The following RIMBP2 variants were observed in gnomAD, a reference collection of about 807,000 sequenced individuals.
RIMBP2 encodes RIMS-binding protein 2.
A neutral mutation model predicts 118.6 loss-of-function variants in RIMBP2; 48 were observed. The ratio of observed to expected loss-of-function variants is 0.40; its 90% confidence interval spans 0.32 to 0.51. The LOEUF (loss-of-function observed/expected upper bound fraction) is 0.51. RIMBP2 is among the 20% of genes least tolerant of loss of function. RIMBP2 has a pLI of 0.41. For synonymous variants in RIMBP2, 762 were observed against 742.9 expected, an observed-to-expected ratio of 1.03 and a Z score of -0.42; for missense variants, 1,551 against 1,768.3, an observed-to-expected ratio of 0.88 and a Z score of 2.20.
chr12:130,556,746 A>T (rs1429126780), intron 2 of RIMBP2, among the ~76,000 whole-genome samples: 1 of 152,194 alleles, frequency 6.6e-6, no homozygotes, highest in Non-Finnish European at 1.5e-5. Flanking sequence ...CCAAGCCCAA[A>T]TGGAAAGCAG....
chr12:130,489,492 C>G (rs192746584), intron 4 of RIMBP2, among the ~76,000 whole-genome samples: 2 of 152,118 alleles, frequency 1.3e-5, no homozygotes, highest in Admixed American at 1.3e-4. Flanking sequence ...CAGGCAGCAT[C>G]GGCGGGAGGG....
chr12:130,460,623 C>T (rs1047678418), intron 6 of RIMBP2, among the ~76,000 whole-genome samples: 7 of 152,098 alleles, frequency 4.6e-5, no homozygotes, highest in Non-Finnish European at 1.0e-4. Context: ...TACCTGCAAG[C>T]GTACTGGCGT....
chr12:130,413,071 A>T (rs1275778490), intron 18 of RIMBP2, among the ~76,000 whole-genome samples: 1 of 152,018 alleles, frequency 6.6e-6, no homozygotes, highest in Admixed American at 6.5e-5. Context: ...ATGTTATTTA[A>T]ATTCACGCAC....
At chr12:130,503,159 A>G (rs964676225) in intron 4 of RIMBP2, among the ~76,000 whole-genome samples, 1 of 152,076 alleles carries the variant, frequency 6.6e-6, no homozygotes, top group Non-Finnish European at 1.5e-5. Context: ...TGGGAGGCCA[A>G]GGTGAATGGA....
In RIMBP2 at chr12:130,511,672, G is replaced by T. The variant is rs78295599; in HGVS notation, c.-126-4902C>A. Among the ~76,000 whole-genome samples the T allele has an allele frequency of 6.6e-6, 1 of 152,202 alleles. No individual in the cohort carries two copies. The highest frequency in any genetic ancestry group is 1.5e-5 in the Non-Finnish European group (1 of 68,044). On this transcript the variant is annotated intron_variant, in intron 3 of 22. Coordinates refer to ENST00000690449, the MANE Select transcript of RIMBP2 (RefSeq NM_001393629.1). This position sits in a 1 kb window ranked among gnomAD's most constrained non-coding sequence, Gnocchi z 4.3. ...CTCCTGCTGGGACCAGACTGAGACCGTCTGTGACACGGTTCTGATGAGCCT... is the reference window on the plus strand; with the variant it reads ...CTCCTGCTGGGACCAGACTGAGACCTTCTGTGACACGGTTCTGATGAGCCT...
chr12:130,474,958 C>T (rs923994680), intron 5 of RIMBP2, among the ~76,000 whole-genome samples: 1 of 152,188 alleles, frequency 6.6e-6, no homozygotes, highest in East Asian at 1.9e-4. Context: ...AGTGAATGGA[C>T]GCAGGGATTT....
intron 2 of RIMBP2, among the ~76,000 whole-genome samples, chr12:130,593,093 C>T (rs2059370259): frequency 6.6e-6 from 1 of 152,214 alleles, no homozygotes; most frequent in South Asian, 2.1e-4. Flanking sequence ...CTTCCCGGGC[C>T]CATTCCCTCT....
intron 1 of RIMBP2, among the ~76,000 whole-genome samples, chr12:130,682,240 T>C (rs77615184): frequency 0.022 from 3,419 of 152,284 alleles, 121 homozygotes; most frequent in African/African-American, 0.078. Context: ...GCATCTCCTT[T>C]CCCAGCCAGA....
At chr12:130,564,520 G>A (rs1470246547) in intron 2 of RIMBP2, among the ~76,000 whole-genome samples, 1 of 152,126 alleles carries the variant, frequency 6.6e-6, no homozygotes, top group Non-Finnish European at 1.5e-5. Flanking sequence ...TAGCCATCAG[G>A]GAGATGCAAA....
At chr12:130,609,860 C>T (rs752678205) in intron 2 of RIMBP2, among the ~76,000 whole-genome samples, 6 of 152,130 alleles carry the variant, frequency 3.9e-5, no homozygotes, top group African/African-American at 1.2e-4. Context: ...GCAGGACAGA[C>T]GGAAGTCCCA....
intron 6 of RIMBP2, among the ~76,000 whole-genome samples, chr12:130,463,023 G>A (rs768945105): frequency 2.0e-4 from 30 of 152,314 alleles, no homozygotes; most frequent in Non-Finnish European, 3.2e-4. Flanking sequence ...GCTCCCTGGC[G>A]TCTTGGCAGC....
chr12:130,645,243 C>T (rs1043355749), intron 1 of RIMBP2, among the ~76,000 whole-genome samples: 2 of 152,118 alleles, frequency 1.3e-5, no homozygotes, highest in South Asian at 2.1e-4. Context: ...ACGGTGTGTC[C>T]ACCACGCCTG....
At chr12:130,605,598 T>C (rs996510344) in intron 2 of RIMBP2, among the ~76,000 whole-genome samples, 2 of 152,140 alleles carry the variant, frequency 1.3e-5, no homozygotes, top group African/African-American at 2.4e-5. Context: ...AAAGTAGTAA[T>C]AAAGTGACAA....
At chr12:130,634,762 A>G (rs1225916422) in intron 1 of RIMBP2, among the ~76,000 whole-genome samples, 2 of 151,948 alleles carry the variant, frequency 1.3e-5, no homozygotes, top group Non-Finnish European at 2.9e-5. Context: ...TGGCTAATGA[A>G]AAAATATATA....
chr12:130,550,044 C>T (rs2055585227), intron 2 of RIMBP2, among the ~76,000 whole-genome samples: 1 of 152,122 alleles, frequency 6.6e-6, no homozygotes, highest in South Asian at 2.1e-4. Flanking sequence ...TTAACAATAG[C>T]CATTCTGACA....
At chr12:130,414,533 G>C (rs2075984238) in intron 17 of RIMBP2, 1 of 416,280 alleles carries the variant, frequency 2.4e-6, no homozygotes. Context: ...GCATGTGAAA[G>C]CATTGAGACA....
At chr12:130,530,554 T>C (rs2053261640) in intron 2 of RIMBP2, among the ~76,000 whole-genome samples, 1 of 152,210 alleles carries the variant, frequency 6.6e-6, no homozygotes, top group Admixed American at 6.5e-5. Context: ...GGTTTTTACC[T>C]ATTGACTGAA....
chr12:130,650,961 A>ATT (rs1566427757), intron 1 of RIMBP2, among the ~76,000 whole-genome samples: 3 of 145,916 alleles, frequency 2.1e-5, no homozygotes, highest in Non-Finnish European at 3.0e-5. Context: ...TTTTTTTTAA[A>ATT]AAAAAAAAAA....
At chr12:130,631,013 A>T (rs1381892269) in intron 1 of RIMBP2, among the ~76,000 whole-genome samples, 2 of 152,216 alleles carry the variant, frequency 1.3e-5, no homozygotes, top group Non-Finnish European at 2.9e-5. Context: ...ATCCTACCCT[A>T]AACAGGGATA....
Sources: gnomAD v4.1 joint callset for allele counts (sites outside exome capture counted in the v4.1 genomes callset) on GRCh38, gnomAD v4.1.1 for gene constraint, Gnocchi (gnomAD v3.1) non-coding constraint, MANE v1.5 for transcripts, NCBI Gene and HGNC (gene_info 2026-07-23, HGNC 2026-07-21) for gene names.